The following CLTA variants were observed in gnomAD, a reference collection of about 807,000 sequenced individuals.
CLTA encodes clathrin light chain A, also known as clathrin, light polypeptide (Lca).
A neutral mutation model predicts 26.9 loss-of-function variants in CLTA; 9 were observed. That is an observed-to-expected ratio of 0.33 (90% CI 0.20 to 0.58). The LOEUF is 0.58. CLTA is among the 20% of genes least tolerant of loss of function. The pLI is 0.85. For missense variants in CLTA, 278 were observed against 294.2 expected (o/e 0.94, Z 0.40); for synonymous variants, 120 against 115.5 (o/e 1.04, Z -0.25).
chr9:36,205,867 C>A (rs1393600786), intron 4 of CLTA, among the ~76,000 whole-genome samples: 1 of 148,732 alleles, frequency 6.7e-6, no homozygotes, highest in Admixed American at 6.9e-5. Context: ...TCACGCCATT[C>A]TCCTGCCTCA....
chr9:36,207,153 G>T (rs181205440), intron 4 of CLTA, among the ~76,000 whole-genome samples: 1 of 152,274 alleles, frequency 6.6e-6, no homozygotes, highest in African/African-American at 2.4e-5. Flanking sequence ...CTGCACTGGG[G>T]GTGGGTGTGC....
intron 4 of CLTA, among the ~76,000 whole-genome samples, chr9:36,210,823 A>G (rs549702234): frequency 6.6e-6 from 1 of 152,222 alleles, no homozygotes; most frequent in East Asian, 1.9e-4. Flanking sequence ...TTTGCCCGTG[A>G]TGCTTGTTGG....
At chr9:36,201,609 T>G (rs749248888) in intron 3 of CLTA, among the ~76,000 whole-genome samples, 1 of 152,238 alleles carries the variant, frequency 6.6e-6, no homozygotes, top group Non-Finnish European at 1.5e-5. Flanking sequence ...GTATAGTAAA[T>G]GTTAACATCA....
chr9:36,203,152 C>T lies in CLTA; in HGVS notation c.374-916C>T, dbSNP rs546874736. On this transcript the variant is annotated intron_variant, in intron 3 of 4. Transcript: ENST00000345519. ...GCAGCCGGCATGTATTTCTTTATCT[C>T]TCACTATCTACTGATGTATGTCTCT... Among the ~76,000 whole-genome samples, 18 of 152,212 alleles carry T rather than the reference C, an allele frequency of 1.2e-4. 1 individual carries two copies. The South Asian group carries it at 3.3e-3, about 28-fold the overall frequency.
chr9:36,196,823 A>G (rs1365208975), intron 1 of CLTA, among the ~76,000 whole-genome samples: 3 of 152,206 alleles, frequency 2.0e-5, no homozygotes, highest in African/African-American at 7.2e-5. Context: ...CTGACAAACT[A>G]TAAGAAACTC....
chr9:36,193,727 G>A (rs1826870065), intron 1 of CLTA, among the ~76,000 whole-genome samples: 1 of 152,208 alleles, frequency 6.6e-6, no homozygotes, highest in African/African-American at 2.4e-5. Flanking sequence ...CCCCAGCCTT[G>A]CGGAAAGCGT....
intron 4 of CLTA, among the ~76,000 whole-genome samples, chr9:36,205,827 T>C (rs1397670430): frequency 7.0e-6 from 1 of 143,826 alleles, no homozygotes; most frequent in African/African-American, 2.6e-5. Flanking sequence ...TGGTGCGATC[T>C]CGGCTCACTG....
chr9:36,200,011 T>C (rs950544018), intron 3 of CLTA, among the ~76,000 whole-genome samples: 1 of 152,190 alleles, frequency 6.6e-6, no homozygotes, highest in Non-Finnish European at 1.5e-5. Flanking sequence ...CACATTGCTT[T>C]CTAAACATTT....
chr9:36,197,997 C>CTTTTTTTTTTTTTTTTTTTTTTGTTT (rs11308341), intron 2 of CLTA, among the ~76,000 whole-genome samples: 1 of 104,246 alleles, frequency 9.6e-6, no homozygotes, highest in Non-Finnish European at 1.9e-5. Flanking sequence ...TTATTTGAGT[C>CTTTTTTTTTTTTTTTTTTTTTTGTTT]TTTTTTTTTT....
At chr9:36,205,468 C>G (rs1317097378) in intron 4 of CLTA, among the ~76,000 whole-genome samples, 4 of 152,156 alleles carry the variant, frequency 2.6e-5, no homozygotes, top group African/African-American at 9.7e-5. Flanking sequence ...ATCGGTAAAG[C>G]CGAGTGGGGA....
intron 4 of CLTA, chr9:36,209,168 C>T: frequency 6.8e-7 from 1 of 1,461,254 alleles, no homozygotes; most frequent in Admixed American, 1.7e-5. Flanking sequence ...CCTCAGAGCA[C>T]AGTTGTACCT....
In CLTA at chr9:36,194,170, C is replaced by T. The variant is rs150465622; in HGVS notation, c.217+2897C>T. Among the ~76,000 whole-genome samples, 858 of 152,260 alleles carry T rather than the reference C, an allele frequency of 5.6e-3. 6 individuals are homozygous for T. The highest frequency in any genetic ancestry group is 0.017 in the African/African-American group (724 of 41,538). On this transcript the variant is annotated intron_variant, in intron 1 of 4. Coordinates refer to ENST00000345519, the MANE Select transcript of CLTA (RefSeq NM_001833.4). ...CCTCCCGAGTAGCTGGGATTACAGG[C>T]GCCCACCACCGTGCCCAGCTAACTT...
At position 36,212,023 on chromosome 9, in the gene CLTA, G is replaced by A. The variant is rs1026623505; in HGVS notation, c.*249G>A. 1.1e-5 allele frequency: 7 copies of A among 636,898 alleles called. No individual in the cohort carries two copies. Among genetic ancestry groups the A allele is most frequent in the Admixed American group, 4.7e-5 (2 of 42,626 alleles). 39.5% of individuals were successfully genotyped at this position (636,898 alleles called of 1,614,324 possible). On this transcript the variant is annotated 3_prime_UTR_variant, in exon 5 of 5. Transcript: ENST00000345519. ...GAGTAGCCTCAACCTGTGCTTCTGT[G>A]CATTATTCTGAGAATAAATTTCTGT...
intron 4 of CLTA, among the ~76,000 whole-genome samples, chr9:36,206,089 A>G (rs1827708203): frequency 6.6e-6 from 1 of 152,070 alleles, no homozygotes; most frequent in Admixed American, 6.6e-5. Context: ...GCTCAGTCTT[A>G]AAAGTTTAGT....
intron 3 of CLTA, among the ~76,000 whole-genome samples, chr9:36,201,239 C>T (rs1368905470): frequency 6.6e-6 from 1 of 152,214 alleles, no homozygotes; most frequent in East Asian, 1.9e-4. Flanking sequence ...TTCAATTTCA[C>T]CTTTTTTCCT....
chr9:36,197,997 CTTTTTTTT>C (rs11308341), intron 2 of CLTA, among the ~76,000 whole-genome samples: 7 of 104,246 alleles, frequency 6.7e-5, no homozygotes, highest in African/African-American at 2.5e-4. Context: ...TTATTTGAGT[CTTTTTTTT>C]TTTTTTTTTT....
At chr9:36,210,773 C>G in intron 4 of CLTA, 1 of 1,189,328 alleles carries the variant, frequency 8.4e-7, no homozygotes, top group Non-Finnish European at 1.2e-6. Context: ...ATAGTGCCAC[C>G]CCTCCGTCCC....
intron 3 of CLTA, among the ~76,000 whole-genome samples, chr9:36,201,525 A>G (rs1248380401): frequency 1.3e-5 from 2 of 152,214 alleles, no homozygotes; most frequent in African/African-American, 4.8e-5. Context: ...TGCAGTAACC[A>G]CAGTCTGTTC....
rs532872022 is a variant in CLTA, at chr9:36,200,347, A to G, written c.373+1251A>G. 4.6e-5 allele frequency among the ~76,000 whole-genome samples: 7 copies of G among 152,304 alleles called. No homozygotes were observed. In the East Asian group the frequency reaches 1.2e-3, roughly 25 times the overall value. On this transcript the variant is annotated intron_variant, in intron 3 of 4. Transcript: ENST00000345519. ...TATGTTTTAGACATACACACACACA[A>G]ATTGTTTTGGCTGACCTACTTTAAG... is the stretch of plus-strand genomic sequence containing the variant.
Sources: allele counts gnomAD v4.1 joint callset (sites outside exome capture counted in the v4.1 genomes callset), GRCh38; gene constraint gnomAD v4.1.1; transcripts MANE v1.5; gene names NCBI Gene and HGNC (gene_info 2026-07-23, HGNC 2026-07-21).